LGALS16: variants seen among roughly 807,000 people sequenced by gnomAD.
LGALS16 encodes galectin 16.
A neutral mutation model predicts 13.2 loss-of-function variants in LGALS16; 15 were observed. The observed-to-expected ratio is 1.13, with a 90% CI of 0.76 to 1.75. The LOEUF (loss-of-function observed/expected upper bound fraction) is 1.75, where lower values mean the gene tolerates loss of function less well. LGALS16 is among the 40% of genes most tolerant of loss of function. LGALS16 has a pLI of 0.00. For synonymous variants in LGALS16, 66 were observed against 65.4 expected (o/e 1.01, Z -0.05); for missense variants, 198 against 178.4 (o/e 1.11, Z -0.63).
intron 1 of LGALS16, among the ~76,000 whole-genome samples, chr19:39,656,776 C>T (rs1973199504): frequency 1.3e-5 from 2 of 152,010 alleles, no homozygotes; most frequent in Non-Finnish European, 1.5e-5. Flanking sequence ...GCTTCCCTGT[C>T]CCCAGCCTAT....
intron 3 of LGALS16, among the ~76,000 whole-genome samples, chr19:39,659,473 T>G (rs1973235812): frequency 6.6e-6 from 1 of 152,220 alleles, no homozygotes. Context: ...CTACACATTA[T>G]GCTTTAGGAA....
At chr19:39,659,515 T>C (rs1973236168) in intron 3 of LGALS16, among the ~76,000 whole-genome samples, 1 of 152,346 alleles carries the variant, frequency 6.6e-6, no homozygotes, top group Middle Eastern at 3.4e-3. Context: ...GAATATATCT[T>C]GAAGACATTA....
intron 2 of LGALS16, among the ~76,000 whole-genome samples, 153 bp from the exon 3 acceptor site, chr19:39,658,307 G>A (rs77627951): frequency 1.2e-3 from 187 of 152,310 alleles, no homozygotes; most frequent in African/African-American, 4.1e-3. Flanking sequence ...CAGGGGGCAC[G>A]AGGAGCTGAA....
chr19:39,657,487 A>G (rs1237153666), intron 1 of LGALS16, among the ~76,000 whole-genome samples: 1 of 151,996 alleles, frequency 6.6e-6, no homozygotes, highest in African/African-American at 2.4e-5. Context: ...CTGTTAGGTC[A>G]CCCCTAACAG....
intron 1 of LGALS16, among the ~76,000 whole-genome samples, chr19:39,657,234 C>G (rs190573113): frequency 2.1e-4 from 32 of 152,324 alleles, no homozygotes; most frequent in Admixed American, 1.8e-3. Flanking sequence ...CACTGCATGT[C>G]AGCCTGGGCA....
intron 2 of LGALS16, among the ~76,000 whole-genome samples, chr19:39,658,252 G>C (rs1973217587): frequency 1.3e-5 from 2 of 152,302 alleles, no homozygotes; most frequent in South Asian, 4.1e-4. Context: ...GTCAGTGACT[G>C]TGATTCAGTT....
chr19:39,658,205 A>G (rs940971266), intron 2 of LGALS16, among the ~76,000 whole-genome samples: 5 of 152,184 alleles, frequency 3.3e-5, no homozygotes, highest in Non-Finnish European at 5.9e-5. Context: ...ATCAAGGGGC[A>G]TAGAATTTTC....
chr19:39,658,656 C>G lies in LGALS16; in HGVS notation c.289C>G (p.His97Asp). 6.3e-7 allele frequency: 1 copy of G among 1,579,206 alleles called. No individual in the cohort carries two copies. Among genetic ancestry groups the G allele is most frequent in the South Asian group, 1.1e-5 (1 of 87,964 alleles). ...ATTTGACTTGCGCATCTACGTGTGT[C>G]ACAATGAGTATGAGGTGAGCACCCC... Reference protein sequence around the residue: ...KPFDLRIYVCHNEYEVKVNGE... With the variant: ...KPFDLRIYVCDNEYEVKVNGE... The change falls in exon 3 of 4, where the codon CAC becomes GAC. Residue 97 changes from histidine to aspartate, a missense_variant. Coordinates refer to ENST00000392051, the MANE Select transcript of LGALS16 (RefSeq NM_001190441.3).
intron 1 of LGALS16, 89 bp downstream of exon 1, chr19:39,656,065 A>G: frequency 2.2e-6 from 3 of 1,358,762 alleles, no homozygotes; most frequent in Non-Finnish European, 2.1e-6. Context: ...AAATATGAGC[A>G]TTCCTACTGT....
chr19:39,660,377 G>A lies in LGALS16; in HGVS notation c.304-18G>A. 1 of 1,540,074 alleles carries A rather than the reference G, an allele frequency of 6.5e-7. No individual in the cohort carries two copies. ...TTGGGTGGCATACTGTCTTTCTGAT[G>A]CATTTTTCCTCTTAAAGGTAAAGGT... is the stretch of plus-strand genomic sequence containing the variant. On this transcript the variant is annotated intron_variant, in intron 3 of 3. Transcript: ENST00000392051.
At chr19:39,660,315 G>A in intron 3 of LGALS16, 80 bp from the exon 4 acceptor site, 9 of 1,374,094 alleles carry the variant, frequency 6.5e-6, no homozygotes, top group Non-Finnish European at 7.9e-6. Context: ...GAATGTTATT[G>A]GTACTAGGGC....
At chr19:39,659,096 C>A (rs924665402) in intron 3 of LGALS16, among the ~76,000 whole-genome samples, 1 of 127,264 alleles carries the variant, frequency 7.9e-6, no homozygotes, top group East Asian at 2.2e-4. Context: ...AGAGAGAATC[C>A]TTTTTCTTTT....
intron 3 of LGALS16, 65 bp from the exon 4 acceptor site, chr19:39,660,330 T>A: frequency 6.6e-7 from 1 of 1,505,768 alleles, no homozygotes. Flanking sequence ...TAGGGCAGAG[T>A]AGAGAAGAGG....
At position 39,655,990 on chromosome 19, in the gene LGALS16, G is replaced by A. The variant is rs371978534; in HGVS notation, c.15+14G>A. ...TCATTTCTAACTGTGAGTTGAAAAG[G>A]CACAGCCTTCAATAATCTCAAGTCA... On this transcript the variant is annotated intron_variant, in intron 1 of 3. Coordinates refer to ENST00000392051, the MANE Select transcript of LGALS16 (RefSeq NM_001190441.3). The A allele has an allele frequency of 8.1e-6, 13 of 1,612,518 alleles. No homozygotes were observed. Among genetic ancestry groups the A allele is most frequent in the East Asian group, 2.2e-5 (1 of 44,788 alleles).
chr19:39,657,415 C>T (rs944940070), intron 1 of LGALS16, among the ~76,000 whole-genome samples: 2 of 152,088 alleles, frequency 1.3e-5, no homozygotes, highest in Non-Finnish European at 2.9e-5. Context: ...ACGTCCATTG[C>T]CCTTGATGAT....
At chr19:39,656,375 G>A (rs1973195115) in intron 1 of LGALS16, among the ~76,000 whole-genome samples, 1 of 152,142 alleles carries the variant, frequency 6.6e-6, no homozygotes, top group African/African-American at 2.4e-5. Flanking sequence ...CTTTATGTGC[G>A]CAGTGAGCAG....
rs191782299 is a variant in LGALS16, at chr19:39,660,531, C to T, written c.*11C>T. On this transcript the variant is annotated 3_prime_UTR_variant, in exon 4 of 4. Coordinates refer to ENST00000392051, the MANE Select transcript of LGALS16 (RefSeq NM_001190441.3). ...AATGGACGGAGATGATCACACTCCT[C>T]ATTGTTGAGGAAACCCTCTTTCTAC... 268 of 1,550,182 alleles carry T rather than the reference C, an allele frequency of 1.7e-4. 1 individual carries two copies. The African/African-American group carries it at 3.2e-3, about 18-fold the overall frequency.
intron 1 of LGALS16, among the ~76,000 whole-genome samples, chr19:39,656,563 A>G (rs1860133): frequency 0.05 from 7,683 of 152,230 alleles, 628 homozygotes; most frequent in African/African-American, 0.17. Context: ...GGCAATGTGG[A>G]TCCCAGGTGG....
rs1973246450 is a variant in LGALS16, at chr19:39,660,392, A to G, written c.304-3A>G. ...TCTTTCTGATGCATTTTTCCTCTTA[A>G]AGGTAAAGGTAAATGGTGAATACAT... On this transcript the variant is annotated splice_region_variant and splice_polypyrimidine_tract_variant and intron_variant, in intron 3 of 3. Coordinates refer to ENST00000392051, the MANE Select transcript of LGALS16 (RefSeq NM_001190441.3). The G allele has an allele frequency of 1.3e-6, 2 of 1,540,352 alleles. No individual in the cohort carries two copies. The highest frequency in any genetic ancestry group is 1.7e-6 in the Non-Finnish European group (2 of 1,147,820).
Sources: allele counts gnomAD v4.1 joint callset (sites outside exome capture counted in the v4.1 genomes callset), GRCh38; gene constraint gnomAD v4.1.1; transcripts MANE v1.5; gene names NCBI Gene and HGNC (gene_info 2026-07-23, HGNC 2026-07-21).